The following MAPK14 variants were observed in gnomAD, a reference collection of about 807,000 sequenced individuals.
MAPK14 encodes CSAID-binding protein.
In MAPK14, 16 loss-of-function variants were observed where a neutral mutation model predicts 49.6. That is an observed-to-expected ratio of 0.32 (90% CI 0.22 to 0.49). The LOEUF (loss-of-function observed/expected upper bound fraction) is 0.49, where lower values mean the gene tolerates loss of function less well. Ranked by LOEUF, MAPK14 falls within the 20% of genes least tolerant of loss-of-function variation. The pLI, the probability that MAPK14 is intolerant of heterozygous loss-of-function variation, is 0.99. For missense variants in MAPK14, 200 were observed against 441.2 expected (o/e 0.45, Z 4.90); for synonymous variants, 142 against 158.0 (o/e 0.90, Z 0.76).
At position 36,028,239 on chromosome 6, in the gene MAPK14, T is replaced by G. The variant is rs763416948; in HGVS notation, c.82T>G (p.Ser28Ala). The G allele has an allele frequency of 6.2e-7, 1 of 1,613,616 alleles. No homozygotes were observed. Among genetic ancestry groups the G allele is most frequent in the South Asian group, 1.1e-5 (1 of 91,054 alleles). Residue 28 changes from serine to alanine, a missense_variant, in exon 1 of 12, where the codon TCT (serine) becomes GCT (alanine). This residue lies in a region of MAPK14 where 30 missense variants were observed against 34.2 expected (regional missense o/e 0.88). Coordinates refer to ENST00000229794, the MANE Select transcript of MAPK14 (RefSeq NM_139012.3). This position sits in a 1 kb window ranked among gnomAD's most constrained non-coding sequence, Gnocchi z 5.1. ...WEVPERYQNLSPVGSGAYGSV... is the reference protein window; with the variant it reads ...WEVPERYQNLAPVGSGAYGSV... ...GGTGCCCGAGCGTTACCAGAACCTGTCTCCAGTGGGCTCTGGCGCCTATGG... is the reference window on the plus strand; with the variant it reads ...GGTGCCCGAGCGTTACCAGAACCTGGCTCCAGTGGGCTCTGGCGCCTATGG...
chr6:36,114,554 G>T (rs1354947355), downstream of MAPK14, among the ~76,000 whole-genome samples: 1 of 151,584 alleles, frequency 6.6e-6, no homozygotes, highest in Non-Finnish European at 1.5e-5. Context: ...GGAGGCGGAG[G>T]TTGCAGTGAG....
In MAPK14 at chr6:36,065,015, T is replaced by C. The variant is rs151197799; in HGVS notation, c.305+5668T>C. On this transcript the variant is annotated intron_variant, in intron 3 of 11. Transcript: ENST00000229794. Reference sequence around the variant, plus strand: ...GCAATAAGACCTTTGCACCAGTTTCTGTTATTGCCCTGGAACTTTTTCCCC... The same window carrying C: ...GCAATAAGACCTTTGCACCAGTTTCCGTTATTGCCCTGGAACTTTTTCCCC... Among the ~76,000 whole-genome samples the C allele has an allele frequency of 1.5e-3, 221 of 152,342 alleles. 1 individual carries two copies. The East Asian group carries it at 0.016, about 11-fold the overall frequency.
chr6:36,029,479 C>T (rs1762453109), intron 1 of MAPK14, among the ~76,000 whole-genome samples: 1 of 152,176 alleles, frequency 6.6e-6, no homozygotes, highest in Admixed American at 6.5e-5. Context: ...GGATCTTAAA[C>T]TAAGTATCAG....
intron 8 of MAPK14, chr6:36,092,276 C>G (rs901834431): frequency 3.4e-6 from 2 of 581,836 alleles, no homozygotes; most frequent in Non-Finnish European, 3.4e-6. Flanking sequence ...GGAGAACATT[C>G]AGCAGCGTCC....
chr6:36,038,757 G>T (rs1298382097), intron 1 of MAPK14, among the ~76,000 whole-genome samples: 6 of 152,116 alleles, frequency 3.9e-5, no homozygotes, highest in African/African-American at 1.2e-4. Flanking sequence ...AATAACATGG[G>T]CTGACTTTAC....
At chr6:36,099,011 G>A (rs185573320) in intron 9 of MAPK14, among the ~76,000 whole-genome samples, 10 of 152,324 alleles carry the variant, frequency 6.6e-5, no homozygotes, top group African/African-American at 2.4e-4. Flanking sequence ...AAAAGGCAGC[G>A]TGGAGCACAT....
At chr6:36,032,001 C>CA (rs1362683903) in intron 1 of MAPK14, among the ~76,000 whole-genome samples, 2 of 151,922 alleles carry the variant, frequency 1.3e-5, no homozygotes, top group Admixed American at 6.6e-5. Context: ...AGGTTGGTCT[C>CA]AAACTCCTGG....
chr6:36,052,914 T>A, intron 2 of MAPK14, 86 bp downstream of exon 2: 1 of 1,232,418 alleles, frequency 8.1e-7, no homozygotes, highest in Non-Finnish European at 1.1e-6. Context: ...GGAAATACGC[T>A]GGAGTGCATC....
At chr6:36,081,341 T>C (rs1178910087) in intron 8 of MAPK14, among the ~76,000 whole-genome samples, 1 of 152,190 alleles carries the variant, frequency 6.6e-6, no homozygotes, top group African/African-American at 2.4e-5. Context: ...CTTAGGTCTT[T>C]GATCCATTTT....
chr6:36,042,240 G>T (rs1762988963), intron 1 of MAPK14, among the ~76,000 whole-genome samples: 1 of 152,018 alleles, frequency 6.6e-6, no homozygotes, highest in Non-Finnish European at 1.5e-5. Flanking sequence ...GTCTACAAAT[G>T]GTTCTTTAGG....
chr6:36,063,478 T>C (rs915799539), intron 3 of MAPK14, among the ~76,000 whole-genome samples: 1 of 152,130 alleles, frequency 6.6e-6, no homozygotes, highest in African/African-American at 2.4e-5. Flanking sequence ...TAGTCCCAGC[T>C]ACTGGGGAGT....
At chr6:36,101,329 T>C (rs1765628833) in intron 9 of MAPK14, among the ~76,000 whole-genome samples, 1 of 152,126 alleles carries the variant, frequency 6.6e-6, no homozygotes, top group Non-Finnish European at 1.5e-5. Context: ...TCCCAGCTAC[T>C]TGGGAAGCTG....
intron 8 of MAPK14, chr6:36,092,723 C>CA: frequency 3.5e-6 from 1 of 287,952 alleles, no homozygotes; most frequent in South Asian, 3.3e-5. Flanking sequence ...GGGAAGAGGA[C>CA]AAAAGAACTA....
downstream of MAPK14, among the ~76,000 whole-genome samples, chr6:36,112,798 C>T (rs1330212398): frequency 6.6e-6 from 1 of 152,142 alleles, no homozygotes; most frequent in Non-Finnish European, 1.5e-5. Flanking sequence ...TCATCAAATC[C>T]ACCACCATTT....
At chr6:36,118,552 C>A in the MAPK14 span, among the ~76,000 whole-genome samples, 7 of 152,232 alleles carry the variant, frequency 4.6e-5, no homozygotes, top group African/African-American at 1.7e-4. Context: ...GCGTCCAGGG[C>A]TGCATGTCCT....
intron 1 of MAPK14, among the ~76,000 whole-genome samples, chr6:36,034,897 CT>C (rs200316205): frequency 0.19 from 22,745 of 120,798 alleles, 1,607 homozygotes; most frequent in East Asian, 0.53. Flanking sequence ...TTCTTTCTTT[CT>C]TTTTTTTTTT....
the MAPK14 span, among the ~76,000 whole-genome samples, chr6:36,124,166 T>TCCTG: frequency 6.9e-5 from 8 of 115,642 alleles, no homozygotes; most frequent in African/African-American, 2.5e-4. Flanking sequence ...CTTCCTTCCT[T>TCCTG]CCTTCCTTCC....
chr6:36,093,805 A>G (rs2127465547), intron 8 of MAPK14, among the ~76,000 whole-genome samples: 1 of 152,208 alleles, frequency 6.6e-6, no homozygotes, highest in East Asian at 1.9e-4. Flanking sequence ...ACCAATATCA[A>G]AAGCTTCATT....
At chr6:36,075,990 C>G in intron 7 of MAPK14, 28 bp downstream of exon 7, 1 of 1,611,376 alleles carries the variant, frequency 6.2e-7, no homozygotes. Context: ...TATTTAGGGC[C>G]TTATTTAATT....
Sources: allele counts gnomAD v4.1 joint callset (sites outside exome capture counted in the v4.1 genomes callset), GRCh38; gene constraint gnomAD v4.1.1; regional missense constraint gnomAD v4.1.1; non-coding constraint Gnocchi (gnomAD v3.1); transcripts MANE v1.5; gene names NCBI Gene and HGNC (gene_info 2026-07-23, HGNC 2026-07-21).